Variants in MYO7A observed in about 807,000 individuals in gnomAD.
MYO7A encodes myosin VIIA, also known as unconventional myosin-VIIa.
Under a neutral mutation model 263.8 loss-of-function variants are expected in MYO7A, and 210 were observed. The observed-to-expected ratio is 0.80, with a 90% confidence interval of 0.71 to 0.89. The LOEUF (loss-of-function observed/expected upper bound fraction) is 0.89. Among genes scored for constraint, MYO7A ranks in the 40% least tolerant of loss-of-function variants. The pLI is 0.00. For synonymous variants in MYO7A, 1,239 were observed against 1,197.3 expected, an observed-to-expected ratio of 1.03 and a Z score of -0.72; for missense variants, 2,820 against 2,968.3, an observed-to-expected ratio of 0.95 and a Z score of 1.16.
intron 15 of MYO7A, among the ~76,000 whole-genome samples, chr11:77,167,751 C>A (rs1953687513): frequency 6.6e-6 from 1 of 152,166 alleles, no homozygotes; most frequent in Non-Finnish European, 1.5e-5. Context: ...GCCTGCCTGG[C>A]AGAGTTCTGA....
At position 77,199,709 on chromosome 11, in the gene MYO7A, C is replaced by A; in HGVS notation, c.4743C>A (p.Thr1581=). The A allele has an allele frequency of 6.2e-7, 1 of 1,613,706 alleles. No homozygotes were observed. The change falls in exon 35 of 49, where the codon ACC becomes ACA. Residue 1581 remains threonine (T), a synonymous_variant. Coordinates refer to ENST00000409709, the MANE Select transcript of MYO7A (RefSeq NM_000260.4). Reference sequence around the variant, plus strand: ...CCACCATCAAGGGGGACGAATACACCTTCACCTCCAGCAATGCTGAGGACA... The same window carrying A: ...CCACCATCAAGGGGGACGAATACACATTCACCTCCAGCAATGCTGAGGACA... ...TLATIKGDEY[T]FTSSNAEDIR...
Position 77,157,303 on chromosome 11 carries a change from G to T in MYO7A, c.760G>T (p.Val254Leu). The change falls in exon 8 of 49, where the codon GTG (valine) becomes TTG (leucine). Residue 254 changes from valine to leucine, a missense_variant. Val to Leu is a conservative substitution (Grantham distance 32). Coordinates refer to ENST00000409709, the MANE Select transcript of MYO7A (RefSeq NM_000260.4). ...GGCCCTGGATGAAAGGAACTACCACGTGTTCTACTGCATGCTGGAGGGTAT... is the reference window on the plus strand; with the variant it reads ...GGCCCTGGATGAAAGGAACTACCACTTGTTCTACTGCATGCTGGAGGGTAT... ...RQALDERNYH[V>L]FYCMLEGMSE... 6.2e-7 allele frequency: 1 copy of T among 1,611,702 alleles called. No homozygotes were observed.
At position 77,166,130 on chromosome 11, in the gene MYO7A, A is replaced by G. The variant is rs782182006; in HGVS notation, c.1765A>G (p.Ile589Val). Residue 589 changes from isoleucine to valine, a missense_variant, in exon 15 of 49, where the codon ATC becomes GTC. Transcript: ENST00000409709. ...QLVHSSRNKF[I>V]KQIFQADVAM... ...GGTCCACTCCTCCAGGAACAAGTTC[A>G]TCAAGCAGATCTTCCAGGCCGATGT... The G allele has an allele frequency of 6.2e-7, 1 of 1,613,910 alleles. No individual in the cohort carries two copies. The highest frequency in any genetic ancestry group is 2.2e-5 in the East Asian group (1 of 44,844).
At chr11:77,151,880 T>G (rs1951998850) in intron 4 of MYO7A, among the ~76,000 whole-genome samples, 1 of 152,116 alleles carries the variant, frequency 6.6e-6, no homozygotes, top group Admixed American at 6.5e-5. Context: ...GTTCCTGGGG[T>G]TTGGGGAAGC....
Position 77,148,829 on chromosome 11 carries a change from A to G in MYO7A, c.285+879A>G, listed in dbSNP as rs568099972. ...TCCCAAAATAATAAAAATGGTGAGA[A>G]GAGTAGCATTGTTTTTACAGATTTT... On this transcript the variant is annotated intron_variant, in intron 4 of 48. Coordinates refer to ENST00000409709, the MANE Select transcript of MYO7A (RefSeq NM_000260.4). Among the ~76,000 whole-genome samples, 3 of 152,368 alleles carry G rather than the reference A, an allele frequency of 2.0e-5. No homozygotes were observed. In the South Asian group the frequency reaches 6.2e-4, roughly 32 times the overall value.
chr11:77,191,049 C>T (rs762053062), intron 30 of MYO7A, 179 bp downstream of exon 30: 24 of 656,692 alleles, frequency 3.7e-5, no homozygotes, highest in Admixed American at 6.2e-5. Context: ...CGGCCAGGTG[C>T]GGTGGTTCAC....
intron 37 of MYO7A, among the ~76,000 whole-genome samples, chr11:77,202,748 T>G (rs940132797): frequency 1.5e-3 from 148 of 101,726 alleles, no homozygotes; most frequent in Non-Finnish European, 1.8e-3. Context: ...GGGCGGGGGG[T>G]GGGGGGCAGT....
Position 77,205,679 on chromosome 11 carries a change from G to A in MYO7A, c.5636+62G>A, listed in dbSNP as rs1407165751. 1.0e-5 allele frequency: 16 copies of A among 1,598,688 alleles called. No homozygotes were observed. The African/African-American group carries it at 1.7e-4, about 17-fold the overall frequency. On this transcript the variant is annotated intron_variant, in intron 40 of 48. Transcript: ENST00000409709. ...GCGGGCTCCTGGCCACGCGGGGCTT[G>A]TGGGATGAGCCCCTTGGGGATGAGG...
rs771419607 is a variant in MYO7A at position 77,190,069 on chromosome 11, G to C, written c.3680G>C (p.Cys1227Ser). ...HGGPPGYAPY[C>S]EERLRRTFVN... ...GGCCCGCCCGGCTACGCCCCGTACT[G>C]TGAGGAGCGCCTGAGAAGGACCTTT... Residue 1227 changes from cysteine (C) to serine (S), a missense_variant, in exon 29 of 49, where the codon TGT (cysteine) becomes TCT (serine). Cys to Ser is a moderately radical substitution (Grantham distance 112). Coordinates refer to ENST00000409709, the MANE Select transcript of MYO7A (RefSeq NM_000260.4). The C allele has an allele frequency of 7.0e-6, 11 of 1,577,398 alleles. No homozygotes were observed. The South Asian group carries it at 1.0e-4, about 15-fold the overall frequency.
At chr11:77,162,770 A>T (rs1036602879) in intron 13 of MYO7A, 83 bp from the exon 14 acceptor site, 1 of 1,535,522 alleles carries the variant, frequency 6.5e-7, no homozygotes. Context: ...TGAAGAAGAG[A>T]CAGGGGGCAA....
At position 77,172,655 on chromosome 11, in the gene MYO7A, G is replaced by A. The variant is rs370262563; in HGVS notation, c.1798-93G>A. ...GCCCTGTCCCTCAAACCCTGACCCC[G>A]CTGACCTCCCCTCCCGCTTCCTACT... On this transcript the variant is annotated intron_variant, in intron 15 of 48. Coordinates refer to ENST00000409709, the MANE Select transcript of MYO7A (RefSeq NM_000260.4). 8.2e-5 allele frequency: 123 copies of A among 1,499,172 alleles called. 1 individual carries two copies. Among genetic ancestry groups the A allele is most frequent in the South Asian group, 5.7e-4 (47 of 82,654 alleles). The allele number at this position is 1,499,172 out of a possible 1,614,324, so 92.9% of individuals were successfully genotyped here. A position where few individuals can be genotyped will look rare whatever the true frequency, so the allele number is the denominator to read the frequency against.
At chr11:77,134,813 C>T (rs1212463267) in intron 2 of MYO7A, among the ~76,000 whole-genome samples, 1 of 137,118 alleles carries the variant, frequency 7.3e-6, no homozygotes, top group African/African-American at 2.7e-5. Flanking sequence ...GACAGAGTCT[C>T]ACTCTGTCAC....
intron 2 of MYO7A, among the ~76,000 whole-genome samples, chr11:77,141,819 T>C (rs1433397069): frequency 6.6e-6 from 1 of 152,196 alleles, no homozygotes; most frequent in Non-Finnish European, 1.5e-5. Flanking sequence ...GTTGGTTGGC[T>C]CTGTCATTCT....
Position 77,194,378 on chromosome 11 carries a change from T to C in MYO7A, c.4177T>C (p.Ser1393Pro). ...GGAGGACGACCTGGCTGAGCTGGCC[T>C]CCCAGCAGTACTTTGTAGACTATGG... ...EKEDDLAELA[S>P]QQYFVDYGSE... The change falls in exon 32 of 49, where the codon TCC (serine) becomes CCC (proline). Residue 1393 changes from serine (S) to proline (P), a missense_variant. By Grantham distance (74) the Ser-to-Pro change is moderately conservative (BLOSUM62 -1). Coordinates refer to ENST00000409709, the MANE Select transcript of MYO7A (RefSeq NM_000260.4). 6.2e-7 allele frequency: 1 copy of C among 1,612,648 alleles called. No individual in the cohort carries two copies. Among genetic ancestry groups the C allele is most frequent in the Non-Finnish European group, 8.5e-7 (1 of 1,179,368 alleles).
chr11:77,180,975 G>T (rs2135482398), intron 22 of MYO7A, among the ~76,000 whole-genome samples: 1 of 152,334 alleles, frequency 6.6e-6, no homozygotes, highest in Admixed American at 6.5e-5. Context: ...GGGAAATATT[G>T]AGTTAAATAT....
intron 4 of MYO7A, among the ~76,000 whole-genome samples, chr11:77,152,563 A>G (rs538648008): frequency 1.3e-5 from 2 of 152,148 alleles, no homozygotes; most frequent in South Asian, 4.2e-4. Context: ...GGATGTATTG[A>G]TATCCGGGGC....
chr11:77,174,440 C>T (rs574895797), intron 16 of MYO7A, among the ~76,000 whole-genome samples: 1 of 152,298 alleles, frequency 6.6e-6, no homozygotes, highest in South Asian at 2.1e-4. Context: ...CCCCTCCAGC[C>T]TTGGAATACT....
chr11:77,198,592 C>G lies in MYO7A; in HGVS notation c.4539C>G (p.Phe1513Leu). 1.9e-6 allele frequency: 3 copies of G among 1,613,876 alleles called. No individual in the cohort carries two copies. Among genetic ancestry groups the G allele is most frequent in the Non-Finnish European group, 2.5e-6 (3 of 1,179,872 alleles). The change falls in exon 34 of 49, where the codon TTC becomes TTG. Residue 1513 changes from phenylalanine (F) to leucine (L), a missense_variant. Physicochemically the swap from Phe to Leu is conservative, Grantham distance 22 (BLOSUM62 0). Transcript: ENST00000409709. The part of the protein sequence containing the change: ...EQEQVLLELS[F>L]PEIMAVSSSR... ...AGCAGGTACTTCTGGAGCTGTCCTT[C>G]CCAGAGATCATGGCCGTGTCCAGCA...
intron 23 of MYO7A, 51 bp from the exon 24 acceptor site, chr11:77,181,900 T>G: frequency 2.7e-4 from 416 of 1,547,506 alleles, no homozygotes; most frequent in Non-Finnish European, 3.3e-4. Flanking sequence ...TCCTCCCACC[T>G]GAGCTTCCTG....
Sources: gnomAD v4.1 joint callset for allele counts (sites outside exome capture counted in the v4.1 genomes callset) on GRCh38, gnomAD v4.1.1 for gene constraint, MANE v1.5 for transcripts, NCBI Gene and HGNC (gene_info 2026-07-23, HGNC 2026-07-21) for gene names.